Variants in GPC5 observed in about 807,000 individuals in gnomAD.
GPC5 encodes glypican 5.
Under a neutral mutation model 53.9 loss-of-function variants are expected in GPC5, and 47 were observed. The ratio of observed to expected loss-of-function variants is 0.87; its 90% CI spans 0.69 to 1.11. The LOEUF is 1.11. Among genes scored for constraint, GPC5 ranks in the 50% most tolerant of loss-of-function variants. The pLI, the probability that GPC5 is intolerant of heterozygous loss-of-function variation, is 0.00. For synonymous variants in GPC5, 286 were observed against 263.3 expected, an observed-to-expected ratio of 1.09 and a Z score of -0.84; for missense variants, 748 against 713.1, an observed-to-expected ratio of 1.05 and a Z score of -0.56.
At chr13:91,754,319 G>A (rs186481804) in intron 4 of GPC5, among the ~76,000 whole-genome samples, 1 of 152,262 alleles carries the variant, frequency 6.6e-6, no homozygotes, top group Non-Finnish European at 1.5e-5. Flanking sequence ...TTGGAGGGAT[G>A]TAATCTTAGT....
intron 7 of GPC5, among the ~76,000 whole-genome samples, chr13:92,296,234 CT>C (rs1566525333): frequency 6.6e-6 from 1 of 152,078 alleles, no homozygotes; most frequent in Non-Finnish European, 1.5e-5. Flanking sequence ...TATTTTTGTG[CT>C]GGTTAGCCTC....
At chr13:91,717,556 C>T (rs2139943082) in intron 3 of GPC5, among the ~76,000 whole-genome samples, 1 of 151,950 alleles carries the variant, frequency 6.6e-6, no homozygotes, top group South Asian at 2.1e-4. Context: ...ACAGCCTTTG[C>T]TTGCACATTT....
chr13:92,438,093 G>A (rs1205197220), intron 7 of GPC5, among the ~76,000 whole-genome samples: 2 of 151,866 alleles, frequency 1.3e-5, no homozygotes, highest in African/African-American at 4.8e-5. Context: ...ACAGGGTGGT[G>A]GTCATTGGGA....
In GPC5 at chr13:92,818,009, ATTT is replaced by A. The variant is rs201769060; in HGVS notation, c.1562-48257_1562-48255del. 2.2e-4 allele frequency among the ~76,000 whole-genome samples: 30 copies of A among 135,468 alleles called. 1 individual carries two copies. The highest frequency in any genetic ancestry group is 1.3e-3 in the East Asian group (6 of 4,604). 88.9% of individuals were successfully genotyped at this position (135,468 alleles called of 152,430 possible). On this transcript the variant is annotated intron_variant, in intron 7 of 7. Coordinates refer to ENST00000377067, the MANE Select transcript of GPC5 (RefSeq NM_004466.6). ...TGGATGGACATCTTGCCTAAATTGC[ATTT>A]TTTTTTTTTTTTTTTCTTGAGATGG...
intron 2 of GPC5, among the ~76,000 whole-genome samples, chr13:91,683,544 C>T (rs2035555604): frequency 6.6e-6 from 1 of 152,226 alleles, no homozygotes; most frequent in African/African-American, 2.4e-5. Context: ...GAGTCACTGC[C>T]TGTCCGGCTT....
chr13:91,759,487 A>G (rs998490693), intron 5 of GPC5, among the ~76,000 whole-genome samples: 8 of 151,974 alleles, frequency 5.3e-5, no homozygotes, highest in Admixed American at 4.6e-4. Flanking sequence ...GTCTAACTAT[A>G]TTTTATACCT....
intron 7 of GPC5, among the ~76,000 whole-genome samples, chr13:92,713,929 G>C (rs1888238734): frequency 6.6e-6 from 1 of 152,136 alleles, no homozygotes; most frequent in South Asian, 2.1e-4. Flanking sequence ...AACAGACTTT[G>C]TTCCCATAGT....
At chr13:92,703,569 A>C (rs1484507182) in intron 7 of GPC5, among the ~76,000 whole-genome samples, 2 of 150,428 alleles carry the variant, frequency 1.3e-5, no homozygotes, top group African/African-American at 2.4e-5. Context: ...AAGGGTTAAT[A>C]TTATATAAAT....
At chr13:91,618,238 A>G (rs1202246062) in intron 2 of GPC5, among the ~76,000 whole-genome samples, 1 of 152,116 alleles carries the variant, frequency 6.6e-6, no homozygotes. Context: ...AATGCAGGAG[A>G]GGCATGGGAG....
chr13:91,966,985 A>G lies in GPC5; in HGVS notation c.1401+58928A>G, dbSNP rs949296657. Among the ~76,000 whole-genome samples the G allele has an allele frequency of 7.2e-5, 11 of 152,322 alleles. No homozygotes were observed. The East Asian group carries it at 1.2e-3, about 16-fold the overall frequency. Reference sequence around the variant, plus strand: ...TAAAGTAACACTTATTTGCTTTTCCATATTGTATTAGCATACTCACGCTAC... The same window carrying G: ...TAAAGTAACACTTATTTGCTTTTCCGTATTGTATTAGCATACTCACGCTAC... On this transcript the variant is annotated intron_variant, in intron 6 of 7. Transcript: ENST00000377067.
intron 2 of GPC5, among the ~76,000 whole-genome samples, chr13:91,514,376 C>T (rs183330579): frequency 6.6e-6 from 1 of 152,246 alleles, no homozygotes; most frequent in East Asian, 1.9e-4. Context: ...GTTTAATTTG[C>T]ATTTCCCTAA....
intron 5 of GPC5, among the ~76,000 whole-genome samples, chr13:91,846,384 T>A (rs1308906623): frequency 6.6e-6 from 1 of 152,180 alleles, no homozygotes; most frequent in African/African-American, 2.4e-5. Context: ...CGTAACAATT[T>A]TGAGTTGTAC....
At chr13:92,320,558 T>C (rs530323677) in intron 7 of GPC5, among the ~76,000 whole-genome samples, 1 of 152,280 alleles carries the variant, frequency 6.6e-6, no homozygotes, top group African/African-American at 2.4e-5. Flanking sequence ...TACACAGTGT[T>C]CCCCATAAGT....
chr13:92,328,593 G>A (rs2043267854), intron 7 of GPC5, among the ~76,000 whole-genome samples: 1 of 152,122 alleles, frequency 6.6e-6, no homozygotes, highest in East Asian at 1.9e-4. Flanking sequence ...AAGGAACAAG[G>A]TACCAGAGAT....
chr13:91,962,630 A>T (rs1398416402), intron 6 of GPC5, among the ~76,000 whole-genome samples: 1 of 152,072 alleles, frequency 6.6e-6, no homozygotes, highest in Admixed American at 6.6e-5. Flanking sequence ...TTCCATTATG[A>T]CTCATCCATG....
At chr13:91,781,735 A>G (rs780759493) in intron 5 of GPC5, among the ~76,000 whole-genome samples, 1 of 152,206 alleles carries the variant, frequency 6.6e-6, no homozygotes, top group Non-Finnish European at 1.5e-5. Context: ...GTGCATTCTT[A>G]AGTTTAAAGC....
At chr13:92,016,829 T>C (rs1466540845) in intron 6 of GPC5, among the ~76,000 whole-genome samples, 1 of 151,200 alleles carries the variant, frequency 6.6e-6, no homozygotes, top group Non-Finnish European at 1.5e-5. Context: ...CTGGGTTCAC[T>C]CAGTTCTCCT....
At chr13:91,941,952 A>G (rs1393735371) in intron 6 of GPC5, among the ~76,000 whole-genome samples, 5 of 152,166 alleles carry the variant, frequency 3.3e-5, no homozygotes, top group Admixed American at 6.5e-5. Flanking sequence ...ATGGTGTGAT[A>G]TATGTGTATA....
intron 3 of GPC5, among the ~76,000 whole-genome samples, chr13:91,715,294 A>G (rs2036312584): frequency 6.6e-6 from 1 of 152,214 alleles, no homozygotes; most frequent in Non-Finnish European, 1.5e-5. Flanking sequence ...ACCAGGATGT[A>G]TGATATGATC....
Sources: gnomAD v4.1 joint callset for allele counts (sites outside exome capture counted in the v4.1 genomes callset) on GRCh38, gnomAD v4.1.1 for gene constraint, MANE v1.5 for transcripts, NCBI Gene and HGNC (gene_info 2026-07-23, HGNC 2026-07-21) for gene names.